CES5A: variants seen among roughly 807,000 people sequenced by gnomAD.
The protein encoded by CES5A is carboxylesterase 5.
In CES5A, 67 loss-of-function variants were observed where a neutral mutation model predicts 62.9. The observed-to-expected ratio is 1.07, with a 90% CI of 0.88 to 1.31. The LOEUF is 1.31. Among genes scored for constraint, CES5A ranks in the 50% most tolerant of loss-of-function variants. CES5A has a pLI of 0.00. For missense variants in CES5A, 748 were observed against 708.5 expected (o/e 1.06, Z -0.63); for synonymous variants, 296 against 280.8 (o/e 1.05, Z -0.54).
chr16:55,856,240 A>G (rs1484105958), intron 9 of CES5A, 137 bp downstream of exon 9: 7 of 737,896 alleles, frequency 9.5e-6, no homozygotes, highest in East Asian at 2.5e-5. Context: ...TAATACACCT[A>G]TGCTTAGTAA....
In CES5A at chr16:55,932,863, G is replaced by A. The variant is rs142417788; in HGVS notation, c.160+16922C>T. 1.8e-3 allele frequency among the ~76,000 whole-genome samples: 278 copies of A among 152,328 alleles called. 2 individuals carry two copies. The highest frequency in any genetic ancestry group is 6.3e-3 in the African/African-American group (260 of 41,566). ...TGAAGAACTCTGATCTGGCTGCTGC[G>A]TAAAGAATGAATTTGGGGGATACAA... On this transcript the variant is annotated intron_variant, in intron 2 of 13. Transcript: ENST00000521992.
chr16:55,889,121 CG>C (rs1237130989), intron 1 of CES5A, among the ~76,000 whole-genome samples: 4 of 151,224 alleles, frequency 2.6e-5, no homozygotes, highest in Non-Finnish European at 5.9e-5. Context: ...AAACTGGATA[CG>C]GGCCTAAGAC....
chr16:55,854,154 G>A (rs1286984056), intron 9 of CES5A, among the ~76,000 whole-genome samples: 3 of 152,158 alleles, frequency 2.0e-5, no homozygotes, highest in Non-Finnish European at 2.9e-5. Flanking sequence ...AGGACAGTCA[G>A]CGTGCAAAAT....
At chr16:55,955,720 G>A in intron 1 of CES5A, 2 of 1,041,416 alleles carry the variant, frequency 1.9e-6, no homozygotes, top group Middle Eastern at 2.7e-4. Context: ...AGCCTACCGT[G>A]GGGGCTGACC....
At chr16:55,914,363 C>T (rs568442836) in intron 1 of CES5A, among the ~76,000 whole-genome samples, 2 of 152,036 alleles carry the variant, frequency 1.3e-5, no homozygotes, top group African/African-American at 4.8e-5. Flanking sequence ...GTTGGCCTGG[C>T]AAATGATGTG....
chr16:55,881,625 T>C (rs1162962484), intron 1 of CES5A, among the ~76,000 whole-genome samples: 1 of 152,158 alleles, frequency 6.6e-6, no homozygotes. Flanking sequence ...CAAGTATTGA[T>C]GAAGAGATGA....
chr16:55,952,632 A>G (rs901075590), intron 1 of CES5A, among the ~76,000 whole-genome samples: 3 of 152,126 alleles, frequency 2.0e-5, no homozygotes, highest in Non-Finnish European at 4.4e-5. Flanking sequence ...AATTTAGACC[A>G]AAACATTTCA....
intron 8 of CES5A, among the ~76,000 whole-genome samples, chr16:55,859,247 A>G (rs1384724828): frequency 6.6e-6 from 1 of 152,224 alleles, no homozygotes; most frequent in Non-Finnish European, 1.5e-5. Flanking sequence ...TTTTTTGGAA[A>G]CAATCATTTA....
chr16:55,954,853 C>T, intron 1 of CES5A, among the ~76,000 whole-genome samples: 1 of 152,184 alleles, frequency 6.6e-6, no homozygotes, highest in South Asian at 2.1e-4. Context: ...CCTCCAGACA[C>T]CCCTGAGATA....
chr16:55,905,286 A>G (rs1234374665), intron 1 of CES5A, among the ~76,000 whole-genome samples: 3 of 151,926 alleles, frequency 2.0e-5, no homozygotes, highest in Non-Finnish European at 2.9e-5. Context: ...GGGGAGTTTC[A>G]TGGCTAGGGG....
chr16:55,902,853 G>C (rs1050243171), intron 1 of CES5A, among the ~76,000 whole-genome samples: 2 of 152,188 alleles, frequency 1.3e-5, no homozygotes, highest in African/African-American at 4.8e-5. Context: ...GAAGGATGTG[G>C]GGTAGTGAAG....
At chr16:55,854,531 C>CTTTTTTTTTTT (rs763141152) in intron 9 of CES5A, among the ~76,000 whole-genome samples, 1 of 52,162 alleles carries the variant, frequency 1.9e-5, no homozygotes, top group African/African-American at 9.0e-5. Context: ...TGTAGTGTTT[C>CTTTTTTTTTTT]TTTTTTTTTT....
intron 1 of CES5A, among the ~76,000 whole-genome samples, chr16:55,880,684 G>A (rs1465321250): frequency 2.0e-5 from 3 of 152,188 alleles, no homozygotes; most frequent in African/African-American, 7.2e-5. Flanking sequence ...AGAGGAGTGG[G>A]CTGCACTGAG....
chr16:55,953,872 C>CAGTT (rs2034582462), intron 1 of CES5A, among the ~76,000 whole-genome samples: 1 of 152,158 alleles, frequency 6.6e-6, no homozygotes, highest in Non-Finnish European at 1.5e-5. Flanking sequence ...AAGCATCTGT[C>CAGTT]AGTTATTTGT....
At chr16:55,881,268 C>A (rs540470441) in intron 1 of CES5A, among the ~76,000 whole-genome samples, 27 of 152,300 alleles carry the variant, frequency 1.8e-4, no homozygotes, top group African/African-American at 5.8e-4. Context: ...CAGGGCCAGG[C>A]TTAAGCACAG....
At chr16:55,934,035 G>A (rs1236295796) in intron 2 of CES5A, among the ~76,000 whole-genome samples, 1 of 152,068 alleles carries the variant, frequency 6.6e-6, no homozygotes, top group Non-Finnish European at 1.5e-5. Flanking sequence ...CCTGCTCTCT[G>A]ATTTGCTCAC....
At chr16:55,944,235 C>T in intron 2 of CES5A, 1 of 622,754 alleles carries the variant, frequency 1.6e-6, no homozygotes, top group Non-Finnish European at 2.9e-6. Context: ...GACCCCTCTC[C>T]TCCAGGGACT....
intron 1 of CES5A, among the ~76,000 whole-genome samples, chr16:55,911,950 A>G (rs1489245868): frequency 6.6e-6 from 1 of 152,160 alleles, no homozygotes; most frequent in Non-Finnish European, 1.5e-5. Context: ...CAGAGCCCCC[A>G]TCTTAGACCA....
At chr16:55,864,265 A>G (rs1304977663) in intron 5 of CES5A, among the ~76,000 whole-genome samples, 1 of 152,216 alleles carries the variant, frequency 6.6e-6, no homozygotes, top group Non-Finnish European at 1.5e-5. Flanking sequence ...TGAAGATGTA[A>G]AAAGACCACA....
Sources: allele counts gnomAD v4.1 joint callset (sites outside exome capture counted in the v4.1 genomes callset), GRCh38; gene constraint gnomAD v4.1.1; transcripts MANE v1.5; gene names NCBI Gene and HGNC (gene_info 2026-07-23, HGNC 2026-07-21).